Variants in CASQ2 observed in about 807,000 individuals in gnomAD.
CASQ2 encodes calsequestrin-2.
A neutral mutation model predicts 46.5 loss-of-function variants in CASQ2; 49 were observed. The ratio of observed to expected loss-of-function variants is 1.05; its 90% CI spans 0.84 to 1.34. The LOEUF is 1.34. Among genes scored for constraint, CASQ2 ranks in the 40% most tolerant of loss-of-function variants. The probability of loss-of-function intolerance (pLI) is 0.00; values close to 1 mark genes in which losing one functional copy is unlikely to be tolerated. For missense variants in CASQ2, 486 were observed against 481.3 expected, an observed-to-expected ratio of 1.01 and a Z score of -0.09; for synonymous variants, 174 against 168.5, an observed-to-expected ratio of 1.03 and a Z score of -0.25.
chr1:115,765,455 A>G (rs1016185061), intron 1 of CASQ2, among the ~76,000 whole-genome samples: 1 of 152,112 alleles, frequency 6.6e-6, no homozygotes, highest in Non-Finnish European at 1.5e-5. Flanking sequence ...TAGTGTGAGG[A>G]GCTATGAGTT....
At chr1:115,717,759 A>G (rs1261796715) in intron 8 of CASQ2, 81 bp downstream of exon 8, 1 of 1,047,560 alleles carries the variant, frequency 9.5e-7, no homozygotes, top group African/African-American at 1.6e-5. Flanking sequence ...GGGATGTGAG[A>G]GAAGAGAAAG....
rs1648153401 is a variant in CASQ2 at position 115,740,891 on chromosome 1, G to A, written c.320-63C>T. 3.4e-6 allele frequency: 4 copies of A among 1,172,098 alleles called. No individual in the cohort carries two copies. The South Asian group carries it at 3.7e-5, about 11-fold the overall frequency. 72.6% of individuals were successfully genotyped at this position (1,172,098 alleles called of 1,614,324 possible). A position where few individuals can be genotyped will look rare whatever the true frequency, so the allele number is the denominator to read the frequency against. On this transcript the variant is annotated intron_variant, in intron 2 of 10. Coordinates refer to ENST00000261448, the MANE Select transcript of CASQ2 (RefSeq NM_001232.4). ...TGACGTAGGAAGAGTGATTGTATTG[G>A]CTGAGGTCTGGCTGAGGGTTTCTGG...
intron 1 of CASQ2, among the ~76,000 whole-genome samples, chr1:115,761,414 GAAGAAGAAGAAGAAGAAGAAGAAGA>G (rs1434870027): frequency 0.012 from 1 of 84 alleles, no homozygotes; most frequent in African/African-American, 0.038. Flanking sequence ...AGAAGAAGAA[GAAGAAGAAGAAGAAGAAGAAGAAGA>G]AAGAAGAAGA....
intron 1 of CASQ2, among the ~76,000 whole-genome samples, chr1:115,751,462 A>T (rs942481213): frequency 6.6e-6 from 1 of 151,822 alleles, no homozygotes; most frequent in Non-Finnish European, 1.5e-5. Context: ...AGGTCAGGAG[A>T]TAGAGATCAT....
chr1:115,727,608 C>G (rs1647639902), intron 5 of CASQ2, among the ~76,000 whole-genome samples: 1 of 152,208 alleles, frequency 6.6e-6, no homozygotes, highest in African/African-American at 2.4e-5. Context: ...GCTCATAGCC[C>G]TAATTGCTTT....
At chr1:115,743,824 TG>T (rs1648283085) in intron 2 of CASQ2, among the ~76,000 whole-genome samples, 1 of 151,982 alleles carries the variant, frequency 6.6e-6, no homozygotes, top group South Asian at 2.1e-4. Flanking sequence ...GGGCAGTACA[TG>T]TGTGTCAGTG....
intron 1 of CASQ2, among the ~76,000 whole-genome samples, chr1:115,766,947 A>T (rs12067804): frequency 0.059 from 8,377 of 142,244 alleles, 783 homozygotes; most frequent in African/African-American, 0.23. Context: ...TTTCTTTTTT[A>T]AAAAAAATTA....
intron 1 of CASQ2, among the ~76,000 whole-genome samples, chr1:115,755,164 C>G (rs770138932): frequency 6.6e-6 from 1 of 152,194 alleles, no homozygotes; most frequent in Admixed American, 6.5e-5. Context: ...TCCCTGAAGG[C>G]CAGGTTTGTT....
chr1:115,763,655 C>A (rs1649035380), intron 1 of CASQ2, among the ~76,000 whole-genome samples: 1 of 152,186 alleles, frequency 6.6e-6, no homozygotes, highest in African/African-American at 2.4e-5. Context: ...GCTGGGCAGC[C>A]TCATTCAATC....
At chr1:115,735,376 C>T (rs1384724784) in intron 4 of CASQ2, among the ~76,000 whole-genome samples, 1 of 152,162 alleles carries the variant, frequency 6.6e-6, no homozygotes, top group Non-Finnish European at 1.5e-5. Context: ...AGATTTAAAA[C>T]TATGCTATGA....
At position 115,761,684 on chromosome 1, in the gene CASQ2, G is replaced by C. The variant is rs77059827; in HGVS notation, c.234+6624C>G. On this transcript the variant is annotated intron_variant, in intron 1 of 10. Transcript: ENST00000261448. ...CCGAAGGAAGAAGGAAGCTCAGTCT[G>C]TTAGGGGCTCTGGCAGACTGAAAGC... is the stretch of plus-strand genomic sequence containing the variant. Among the ~76,000 whole-genome samples the C allele has an allele frequency of 4.7e-3, 712 of 151,692 alleles. 4 individuals are homozygous for C. The highest frequency in any genetic ancestry group is 0.017 in the African/African-American group (688 of 41,296).
chr1:115,709,539 A>T (rs538959322), intron 8 of CASQ2, among the ~76,000 whole-genome samples: 12 of 152,336 alleles, frequency 7.9e-5, no homozygotes. Flanking sequence ...GCTAATAGTT[A>T]TCTAGACAAA....
At chr1:115,732,578 C>G (rs1647826461) in intron 5 of CASQ2, among the ~76,000 whole-genome samples, 1 of 152,134 alleles carries the variant, frequency 6.6e-6, no homozygotes, top group Non-Finnish European at 1.5e-5. Flanking sequence ...AGGATACCCC[C>G]TAAGGAAAAA....
At chr1:115,727,186 C>A in intron 5 of CASQ2, 64 bp from the exon 6 acceptor site, 1 of 1,244,820 alleles carries the variant, frequency 8.0e-7, no homozygotes, top group South Asian at 1.2e-5. Context: ...AGTGTGTTGT[C>A]CATCTAAGAT....
At position 115,766,932 on chromosome 1, in the gene CASQ2, A is replaced by C. The variant is rs555409160; in HGVS notation, c.234+1376T>G. On this transcript the variant is annotated intron_variant, in intron 1 of 10. Coordinates refer to ENST00000261448, the MANE Select transcript of CASQ2 (RefSeq NM_001232.4). The stretch of plus-strand genomic sequence containing the variant: ...ATAGATAGATAGAAGGATGATAGAA[A>C]GATATTTCTTTTTTAAAAAAAATTA... 5.4e-4 allele frequency among the ~76,000 whole-genome samples: 81 copies of C among 149,488 alleles called. 1 individual carries two copies. Among genetic ancestry groups the C allele is most frequent in the African/African-American group, 1.9e-3 (75 of 40,392 alleles).
intron 4 of CASQ2, among the ~76,000 whole-genome samples, chr1:115,736,526 A>G (rs533751169): frequency 2.8e-4 from 43 of 151,708 alleles, no homozygotes; most frequent in Non-Finnish European, 4.9e-4. Flanking sequence ...AATCCCAGCT[A>G]CTCAGGAGGC....
At chr1:115,731,187 T>C (rs1199821743) in intron 5 of CASQ2, among the ~76,000 whole-genome samples, 2 of 152,250 alleles carry the variant, frequency 1.3e-5, no homozygotes, top group Non-Finnish European at 2.9e-5. Flanking sequence ...AGCATCTCTC[T>C]GAATTTTTAA....
chr1:115,724,267 T>G (rs1647491038), intron 7 of CASQ2, among the ~76,000 whole-genome samples: 1 of 152,210 alleles, frequency 6.6e-6, no homozygotes. Context: ...CGTCAGTTTC[T>G]GACTATGTCA....
chr1:115,765,079 A>C (rs12750663), intron 1 of CASQ2, among the ~76,000 whole-genome samples: 20,893 of 151,856 alleles, frequency 0.14, 1,598 homozygotes, highest in South Asian at 0.24. Flanking sequence ...TCACAAACCA[A>C]CTCTGGCCCT....
Sources: gnomAD v4.1 joint callset for allele counts (sites outside exome capture counted in the v4.1 genomes callset) on GRCh38, gnomAD v4.1.1 for gene constraint, MANE v1.5 for transcripts, NCBI Gene and HGNC (gene_info 2026-07-23, HGNC 2026-07-21) for gene names.